The following TTC23L variants were observed in gnomAD, a reference collection of about 807,000 sequenced individuals.
TTC23L encodes tetratricopeptide repeat protein 23-like.
TTC23L carries 42 observed loss-of-function variants against 48.1 expected under a neutral mutation model. The ratio of observed to expected loss-of-function variants is 0.87; its 90% CI spans 0.68 to 1.13. The LOEUF (loss-of-function observed/expected upper bound fraction) is 1.13, where lower values mean the gene tolerates loss of function less well. Among genes scored for constraint, TTC23L ranks in the 50% most tolerant of loss-of-function variants. The pLI, the probability that TTC23L is intolerant of heterozygous loss-of-function variation, is 0.00. For synonymous variants in TTC23L, 159 were observed against 157.2 expected (o/e 1.01, Z -0.09); for missense variants, 391 against 421.0 (o/e 0.93, Z 0.62).
intron 9 of TTC23L, among the ~76,000 whole-genome samples, chr5:34,888,966 TTAA>T (rs1441234234): frequency 4.6e-5 from 7 of 152,180 alleles, no homozygotes; most frequent in African/African-American, 1.7e-4. Flanking sequence ...GTCTCCAAAG[TTAA>T]TAATGACAGA....
intron 8 of TTC23L, among the ~76,000 whole-genome samples, chr5:34,872,984 G>T: frequency 6.6e-6 from 1 of 151,876 alleles, no homozygotes; most frequent in East Asian, 1.9e-4. Flanking sequence ...ACTTGCTTGA[G>T]CCCAGGAGGC....
chr5:34,862,889 C>T lies in TTC23L; in HGVS notation c.380-9C>T. The T allele has an allele frequency of 6.2e-7, 1 of 1,613,596 alleles. No individual in the cohort carries two copies. The highest frequency in any genetic ancestry group is 8.5e-7 in the Non-Finnish European group (1 of 1,179,686). On this transcript the variant is annotated splice_polypyrimidine_tract_variant and intron_variant, in intron 4 of 10. Coordinates refer to ENST00000505624, the Ensembl canonical transcript of TTC23L. ...TGTCTTCTTGCTCCTCACCCTCTAA[C>T]TCCCCCAGGCCTCCCAGTTCAGGCC...
chr5:34,848,289 C>T (rs1424442003), intron 3 of TTC23L, among the ~76,000 whole-genome samples: 1 of 152,082 alleles, frequency 6.6e-6, no homozygotes, highest in Non-Finnish European at 1.5e-5. Context: ...AGATACAGTT[C>T]GGTGATTTCT....
rs560378883 is a variant in TTC23L, at chr5:34,880,756, A to T, written c.1077+448A>T. On this transcript the variant is annotated intron_variant, in intron 9 of 10. Transcript: ENST00000505624. The stretch of plus-strand genomic sequence containing the variant: ...TGGGTTCAAGAGATTTGCCTGCCTC[A>T]GCCTCCCAAGTAGCTGGGATTACAG... 108 of 290,416 alleles carry T rather than the reference A, an allele frequency of 3.7e-4. 1 individual carries two copies. The highest frequency in any genetic ancestry group is 2.4e-3 in the African/African-American group (104 of 42,958). 18.0% of individuals were successfully genotyped at this position (290,416 alleles called of 1,614,324 possible).
At chr5:34,923,941 C>T in the TTC23L span, among the ~76,000 whole-genome samples, 1 of 150,852 alleles carries the variant, frequency 6.6e-6, no homozygotes, top group East Asian at 1.9e-4. Context: ...AAGGGAATAA[C>T]TTGAAGATCC....
intron 4 of TTC23L, 101 bp from the exon 5 acceptor site, chr5:34,862,797 A>T: frequency 7.2e-7 from 1 of 1,390,140 alleles, no homozygotes; most frequent in Non-Finnish European, 9.9e-7. Flanking sequence ...AGACCATACG[A>T]CAACTGCACT....
chr5:34,862,939 A>C, exon 5 of TTC23L: 1 of 1,614,000 alleles, frequency 6.2e-7, no homozygotes, highest in Non-Finnish European at 8.5e-7. Flanking sequence ...ATCAGCCAAG[A>C]ATACACTGTT....
At chr5:34,914,974 G>C in the TTC23L span, 1 of 1,492,010 alleles carries the variant, frequency 6.7e-7, no homozygotes, top group Non-Finnish European at 9.2e-7. Flanking sequence ...GAAGGGATTA[G>C]ACAGTAAAAC....
At chr5:34,917,611 G>T in the TTC23L span, among the ~76,000 whole-genome samples, 32 of 152,130 alleles carry the variant, frequency 2.1e-4, no homozygotes, top group Admixed American at 2.0e-3. Flanking sequence ...CTGCACTCCA[G>T]CCTGGGTGAC....
downstream of TTC23L, among the ~76,000 whole-genome samples, chr5:34,901,966 T>C (rs1763521018): frequency 6.6e-6 from 1 of 152,228 alleles, no homozygotes; most frequent in African/African-American, 2.4e-5. Context: ...AGAAAATCCT[T>C]AGACTCTGAG....
the TTC23L span, among the ~76,000 whole-genome samples, chr5:34,923,880 G>C: frequency 6.6e-6 from 1 of 152,134 alleles, no homozygotes; most frequent in African/African-American, 2.4e-5. Flanking sequence ...ACTGTTAGTT[G>C]ATACAGAGTA....
intron 9 of TTC23L, among the ~76,000 whole-genome samples, chr5:34,895,666 A>G (rs1763175740): frequency 6.6e-6 from 1 of 152,214 alleles, no homozygotes; most frequent in African/African-American, 2.4e-5. Flanking sequence ...CCTCTTGGTC[A>G]TATGAACAAA....
At position 34,880,169 on chromosome 5, in the gene TTC23L, C is replaced by A; in HGVS notation, c.950-12C>A. 6.2e-7 allele frequency: 1 copy of A among 1,601,018 alleles called. No homozygotes were observed. Among genetic ancestry groups the A allele is most frequent in the South Asian group, 1.1e-5 (1 of 88,138 alleles). On this transcript the variant is annotated splice_polypyrimidine_tract_variant and intron_variant, in intron 8 of 10. Coordinates refer to ENST00000505624, the Ensembl canonical transcript of TTC23L. ...AGCAGCTTGCCTTAAATAATTGTTT[C>A]AATTTTTCCAGATGCTGTTGAGATA...
intron 1 of TTC23L, among the ~76,000 whole-genome samples, chr5:34,840,321 A>C (rs1758543029): frequency 6.6e-6 from 1 of 150,376 alleles, no homozygotes; most frequent in Non-Finnish European, 1.5e-5. Flanking sequence ...GCTTAAATCC[A>C]ACACGCCGTC....
At chr5:34,916,121 G>T in the TTC23L span, 1 of 440,830 alleles carries the variant, frequency 2.3e-6, no homozygotes, top group Non-Finnish European at 4.0e-6. Context: ...CCTTTACCCG[G>T]CCCACGGGGA....
chr5:34,921,989 T>A, the TTC23L span: 1 of 278,920 alleles, frequency 3.6e-6, no homozygotes, highest in Middle Eastern at 1.1e-3. Flanking sequence ...AAAAATATGA[T>A]AGATAATTTC....
At chr5:34,879,780 G>A (rs750833401) in intron 8 of TTC23L, among the ~76,000 whole-genome samples, 3 of 152,076 alleles carry the variant, frequency 2.0e-5, no homozygotes, top group South Asian at 2.1e-4. Flanking sequence ...GGCGGATCAC[G>A]AGGTCAAGAG....
chr5:34,856,086 T>G (rs182379247), intron 4 of TTC23L, among the ~76,000 whole-genome samples: 127 of 152,256 alleles, frequency 8.3e-4, no homozygotes, highest in African/African-American at 2.7e-3. Context: ...ATGACCATGA[T>G]GTTTTGGGCC....
intron 4 of TTC23L, 89 bp from the exon 5 acceptor site, chr5:34,862,809 C>T: frequency 1.3e-6 from 2 of 1,495,520 alleles, no homozygotes; most frequent in Non-Finnish European, 1.8e-6. Context: ...AACTGCACTG[C>T]CCACTTTATC....
Sources: gnomAD v4.1 joint callset for allele counts (sites outside exome capture counted in the v4.1 genomes callset) on GRCh38, gnomAD v4.1.1 for gene constraint, MANE v1.5 for transcripts, NCBI Gene and HGNC (gene_info 2026-07-23, HGNC 2026-07-21) for gene names.